Variants in TMEM132D observed in about 807,000 individuals in gnomAD.
TMEM132D encodes transmembrane protein 132D.
Under a neutral mutation model 62.3 loss-of-function variants are expected in TMEM132D, and 21 were observed. The ratio of observed to expected loss-of-function variants is 0.34; its 90% CI spans 0.24 to 0.49. The LOEUF is 0.49. TMEM132D is among the 20% of genes least tolerant of loss of function. The pLI is 0.99. For missense variants in TMEM132D, 1,346 were observed against 1,402.8 expected, an observed-to-expected ratio of 0.96 and a Z score of 0.65; for synonymous variants, 621 against 575.6, an observed-to-expected ratio of 1.08 and a Z score of -1.13.
intron 3 of TMEM132D, among the ~76,000 whole-genome samples, chr12:129,475,033 C>A (rs144819657): frequency 1.3e-5 from 2 of 152,078 alleles, no homozygotes; most frequent in African/African-American, 4.8e-5. Flanking sequence ...AAAGTCCTAC[C>A]GAAGCTTGAA....
At chr12:129,339,778 C>A (rs919347753) in intron 3 of TMEM132D, among the ~76,000 whole-genome samples, 3 of 152,140 alleles carry the variant, frequency 2.0e-5, no homozygotes, top group Non-Finnish European at 4.4e-5. Flanking sequence ...TGGGCCTCGC[C>A]TTCTGTTTTT....
intron 3 of TMEM132D, among the ~76,000 whole-genome samples, chr12:129,340,468 C>T (rs910308694): frequency 1.3e-5 from 2 of 151,896 alleles, no homozygotes; most frequent in African/African-American, 4.8e-5. Flanking sequence ...TCCCCCCACC[C>T]CACAATAGGC....
chr12:129,315,313 G>A (rs1392864592), intron 4 of TMEM132D, among the ~76,000 whole-genome samples: 1 of 152,134 alleles, frequency 6.6e-6, no homozygotes, highest in Admixed American at 6.5e-5. Context: ...TTTAAGGTAT[G>A]TCCCTTGTAT....
intron 5 of TMEM132D, among the ~76,000 whole-genome samples, chr12:129,115,956 G>A (rs1374658912): frequency 6.6e-6 from 1 of 152,188 alleles, no homozygotes; most frequent in Non-Finnish European, 1.5e-5. Flanking sequence ...CTGGACACAG[G>A]CATTATTCAG....
At chr12:129,485,991 A>G (rs899796714) in intron 3 of TMEM132D, among the ~76,000 whole-genome samples, 2 of 152,212 alleles carry the variant, frequency 1.3e-5, no homozygotes, top group African/African-American at 2.4e-5. Context: ...ACCCAGCCTG[A>G]TGTCCAACAG....
intron 5 of TMEM132D, among the ~76,000 whole-genome samples, chr12:129,098,191 G>A (rs959054891): frequency 3.3e-5 from 5 of 152,230 alleles, no homozygotes; most frequent in Non-Finnish European, 5.9e-5. Flanking sequence ...ATTGCTGAAG[G>A]AATAGGTAAA....
chr12:129,758,087 T>C (rs564761869), intron 1 of TMEM132D, among the ~76,000 whole-genome samples: 1 of 152,238 alleles, frequency 6.6e-6, no homozygotes, highest in South Asian at 2.1e-4. Flanking sequence ...GTATTTTTAG[T>C]AGAGACAGGG....
chr12:129,883,970 C>T (rs940593985), intron 1 of TMEM132D, among the ~76,000 whole-genome samples: 2 of 152,164 alleles, frequency 1.3e-5, no homozygotes, highest in African/African-American at 2.4e-5. Context: ...CTCGCTCTGT[C>T]ACCCATGCAG....
intron 2 of TMEM132D, among the ~76,000 whole-genome samples, chr12:129,610,911 A>G (rs1301118486): frequency 6.6e-6 from 1 of 152,196 alleles, no homozygotes; most frequent in Non-Finnish European, 1.5e-5. Flanking sequence ...TTCTGATAAC[A>G]GACAGATCAA....
At chr12:129,715,858 T>C (rs765707377) in intron 1 of TMEM132D, among the ~76,000 whole-genome samples, 1 of 152,020 alleles carries the variant, frequency 6.6e-6, no homozygotes, top group Non-Finnish European at 1.5e-5. Flanking sequence ...ACGCTAGGAG[T>C]CTCACTGAGC....
Position 129,660,849 on chromosome 12 carries a change from C to T in TMEM132D, c.968+38961G>A, listed in dbSNP as rs570203233. 1.1e-4 allele frequency among the ~76,000 whole-genome samples: 17 copies of T among 152,266 alleles called. No individual in the cohort carries two copies. The South Asian group carries it at 3.5e-3, about 32-fold the overall frequency. On this transcript the variant is annotated intron_variant, in intron 2 of 8. Coordinates refer to ENST00000422113, the MANE Select transcript of TMEM132D (RefSeq NM_133448.3). ...TCTATCCTATGTTCTCAAATTCACACTCTCATGTTCTCAAATAGACACACA... is the reference window on the plus strand; with the variant it reads ...TCTATCCTATGTTCTCAAATTCACATTCTCATGTTCTCAAATAGACACACA...
intron 4 of TMEM132D, among the ~76,000 whole-genome samples, chr12:129,241,983 C>T (rs1324971005): frequency 6.6e-6 from 1 of 152,178 alleles, no homozygotes; most frequent in South Asian, 2.1e-4. Context: ...ATTCTGAGGG[C>T]TCTTCTGTGT....
intron 3 of TMEM132D, among the ~76,000 whole-genome samples, chr12:129,359,355 T>C (rs10847837): frequency 0.32 from 48,157 of 152,050 alleles, 8,407 homozygotes; most frequent in Middle Eastern, 0.43. Context: ...ACATTATGAA[T>C]GTAATTAATT....
At chr12:129,717,672 T>A (rs1259772944) in intron 1 of TMEM132D, among the ~76,000 whole-genome samples, 2 of 150,266 alleles carry the variant, frequency 1.3e-5, no homozygotes, top group Non-Finnish European at 3.0e-5. Context: ...AATAATTTTT[T>A]AAATTTTAAT....
intron 2 of TMEM132D, among the ~76,000 whole-genome samples, chr12:129,643,202 C>T (rs560708553): frequency 2.6e-5 from 4 of 152,206 alleles, no homozygotes; most frequent in Admixed American, 1.3e-4. Flanking sequence ...GGATTACAGG[C>T]GTGAGCCACC....
At chr12:129,158,330 A>G (rs996249630) in intron 5 of TMEM132D, among the ~76,000 whole-genome samples, 1 of 152,226 alleles carries the variant, frequency 6.6e-6, no homozygotes, top group Non-Finnish European at 1.5e-5. Flanking sequence ...GGAGAAATCA[A>G]GAAGGACTCC....
intron 1 of TMEM132D, among the ~76,000 whole-genome samples, chr12:129,736,512 A>T (rs1869426997): frequency 6.6e-6 from 1 of 152,174 alleles, no homozygotes. Context: ...TTCAGGAGTC[A>T]CTCACTGTTC....
rs900026070 is a variant in TMEM132D at position 129,081,671 on chromosome 12, A to C, written c.1923+88T>G. On this transcript the variant is annotated intron_variant, in intron 7 of 8. Coordinates refer to ENST00000422113, the MANE Select transcript of TMEM132D (RefSeq NM_133448.3). ...CTAAAAATAGATACCATTCCCAGCAATGACAAACAGCTGGTTTCTCCTCTA... is the reference window on the plus strand; with the variant it reads ...CTAAAAATAGATACCATTCCCAGCACTGACAAACAGCTGGTTTCTCCTCTA... 3.4e-6 allele frequency: 5 copies of C among 1,486,484 alleles called. No homozygotes were observed. In the Admixed American group the frequency reaches 9.2e-5, roughly 27 times the overall value. The allele number at this position is 1,486,484 out of a possible 1,614,324, so 92.1% of individuals were successfully genotyped here. A position where few individuals can be genotyped will look rare whatever the true frequency, so the allele number is the denominator to read the frequency against.
intron 3 of TMEM132D, among the ~76,000 whole-genome samples, chr12:129,513,860 C>T (rs566545202): frequency 1.7e-4 from 23 of 138,094 alleles, no homozygotes; most frequent in East Asian, 2.1e-4. Flanking sequence ...TTTTTTGAGA[C>T]GGAGTCTCGC....
Sources: gnomAD v4.1 joint callset for allele counts (sites outside exome capture counted in the v4.1 genomes callset) on GRCh38, gnomAD v4.1.1 for gene constraint, MANE v1.5 for transcripts, NCBI Gene and HGNC (gene_info 2026-07-23, HGNC 2026-07-21) for gene names.